The following GRM5 variants were observed in gnomAD, a reference collection of about 807,000 sequenced individuals.
GRM5 encodes the protein metabotropic glutamate receptor 5.
GRM5 carries 19 observed loss-of-function variants against 83.1 expected under a neutral mutation model. The observed-to-expected ratio is 0.23, with a 90% confidence interval of 0.16 to 0.34. The LOEUF is 0.34. Among genes scored for constraint, GRM5 ranks in the 10% least tolerant of loss-of-function variants. The pLI, the probability that GRM5 is intolerant of heterozygous loss-of-function variation, is 1.00. For missense variants in GRM5, 1,160 were observed against 1,588.3 expected (o/e 0.73, Z 4.58); for synonymous variants, 675 against 633.6 (o/e 1.07, Z -0.98).
At chr11:88,801,958 CA>C (rs1284167496) in intron 3 of GRM5, among the ~76,000 whole-genome samples, 2 of 152,006 alleles carry the variant, frequency 1.3e-5, no homozygotes, top group South Asian at 4.1e-4. Context: ...CAATAAGGGT[CA>C]GGAATATTCC....
At chr11:88,632,117 G>A (rs963153424) in intron 4 of GRM5, among the ~76,000 whole-genome samples, 2 of 151,790 alleles carry the variant, frequency 1.3e-5, no homozygotes, top group Admixed American at 6.6e-5. Context: ...CCTCCACGAC[G>A]TTCCTCCCGC....
Position 88,637,683 on chromosome 11 carries a change from A to G in GRM5, c.1147+15485T>C, listed in dbSNP as rs201989411. ...GGTGCTGGAGAGGATGTGGAGAAAC[A>G]GGAACACTTTTACACTGTTGGTGGG... On this transcript the variant is annotated intron_variant, in intron 4 of 9. Transcript: ENST00000305447. Among the ~76,000 whole-genome samples, 1,551 of 147,472 alleles carry G rather than the reference A, an allele frequency of 0.011. 45 individuals are homozygous for G. The East Asian group carries it at 0.12, about 11-fold the overall frequency.
intron 8 of GRM5, among the ~76,000 whole-genome samples, chr11:88,554,287 G>A (rs189317492): frequency 7.2e-5 from 11 of 152,162 alleles, no homozygotes; most frequent in Admixed American, 1.3e-4. Flanking sequence ...CTGGCACCCC[G>A]CTTCCCTCTT....
At chr11:88,924,348 T>A (rs776993629) in intron 2 of GRM5, among the ~76,000 whole-genome samples, 2 of 152,118 alleles carry the variant, frequency 1.3e-5, no homozygotes, top group Non-Finnish European at 1.5e-5. Flanking sequence ...TAGAAAGATC[T>A]ACATTCCCAT....
intron 2 of GRM5, among the ~76,000 whole-genome samples, chr11:88,919,262 TAAA>T (rs1945649395): frequency 3.6e-3 from 72 of 20,074 alleles, no homozygotes; most frequent in Non-Finnish European, 0.015. Flanking sequence ...ATATATCGGA[TAAA>T]ATAGATTTTA....
chr11:88,721,878 C>A (rs1173142843), intron 3 of GRM5, among the ~76,000 whole-genome samples: 1 of 152,092 alleles, frequency 6.6e-6, no homozygotes, highest in Non-Finnish European at 1.5e-5. Context: ...GTACTGGATG[C>A]AAATGTGAAA....
chr11:88,933,907 T>C (rs1429553864), intron 2 of GRM5, among the ~76,000 whole-genome samples: 2 of 151,828 alleles, frequency 1.3e-5, no homozygotes, highest in Admixed American at 6.6e-5. Flanking sequence ...CTGAAGGAAA[T>C]ATAAAAGTGA....
At chr11:88,861,671 T>C (rs1238992705) in intron 2 of GRM5, among the ~76,000 whole-genome samples, 1 of 152,034 alleles carries the variant, frequency 6.6e-6, no homozygotes, top group Non-Finnish European at 1.5e-5. Flanking sequence ...TTCTCCATGT[T>C]GCCCAGGCTG....
intron 3 of GRM5, among the ~76,000 whole-genome samples, chr11:88,697,431 C>T (rs1029663109): frequency 2.6e-5 from 4 of 152,180 alleles, no homozygotes; most frequent in African/African-American, 4.8e-5. Context: ...CAAGTGCTCA[C>T]TCAATACTCA....
intron 7 of GRM5, among the ~76,000 whole-genome samples, chr11:88,590,256 A>T (rs1937614614): frequency 6.6e-6 from 1 of 152,136 alleles, no homozygotes; most frequent in South Asian, 2.1e-4. Flanking sequence ...TATTTTTCTC[A>T]CTGGCTAAAA....
intron 2 of GRM5, among the ~76,000 whole-genome samples, chr11:88,972,015 A>C (rs1939178216): frequency 1.3e-5 from 2 of 152,142 alleles, no homozygotes; most frequent in Admixed American, 6.6e-5. Context: ...AATAAGTGAT[A>C]ATTGACACGG....
intron 8 of GRM5, among the ~76,000 whole-genome samples, chr11:88,529,152 G>A (rs1037617983): frequency 2.0e-5 from 3 of 151,898 alleles, no homozygotes; most frequent in Non-Finnish European, 4.4e-5. Context: ...TACCAGGCAG[G>A]TTTAGTTGAC....
chr11:88,643,485 AG>A (rs1382402914), intron 4 of GRM5, among the ~76,000 whole-genome samples: 2 of 152,176 alleles, frequency 1.3e-5, no homozygotes, highest in African/African-American at 2.4e-5. Context: ...TCCTTCCTCT[AG>A]AATATGGAAC....
intron 3 of GRM5, among the ~76,000 whole-genome samples, chr11:88,721,694 A>G (rs1465121634): frequency 1.3e-5 from 2 of 152,132 alleles, no homozygotes; most frequent in African/African-American, 4.8e-5. Flanking sequence ...GTTGGAAATA[A>G]GTGAAAAACA....
intron 2 of GRM5, among the ~76,000 whole-genome samples, chr11:89,038,584 C>G (rs1941451002): frequency 6.6e-6 from 1 of 152,222 alleles, no homozygotes; most frequent in Non-Finnish European, 1.5e-5. Flanking sequence ...CTTGTTACCA[C>G]AGGCCTCCTC....
At chr11:88,674,591 G>T (rs1940276224) in intron 3 of GRM5, among the ~76,000 whole-genome samples, 2 of 151,790 alleles carry the variant, frequency 1.3e-5, no homozygotes, top group South Asian at 4.1e-4. Context: ...TGCTACCATT[G>T]TTCCTCTAAT....
chr11:88,514,822 T>G (rs1321600509), intron 9 of GRM5, among the ~76,000 whole-genome samples: 1 of 152,164 alleles, frequency 6.6e-6, no homozygotes, highest in African/African-American at 2.4e-5. Flanking sequence ...ATAGCATGGA[T>G]AAGCAAATCT....
intron 9 of GRM5, among the ~76,000 whole-genome samples, chr11:88,510,430 G>A (rs1941333289): frequency 6.6e-6 from 1 of 152,236 alleles, no homozygotes; most frequent in African/African-American, 2.4e-5. Context: ...ACCACTAAAA[G>A]CTGACACAAT....
At chr11:88,580,295 A>G (rs571366430) in intron 7 of GRM5, among the ~76,000 whole-genome samples, 2 of 152,338 alleles carry the variant, frequency 1.3e-5, no homozygotes, top group South Asian at 4.1e-4. Flanking sequence ...TTACATCAAA[A>G]TGTTTATTGT....
Sources: gnomAD v4.1 joint callset for allele counts (sites outside exome capture counted in the v4.1 genomes callset) on GRCh38, gnomAD v4.1.1 for gene constraint, MANE v1.5 for transcripts, NCBI Gene and HGNC (gene_info 2026-07-23, HGNC 2026-07-21) for gene names.